The following LRGUK variants were observed in gnomAD, a reference collection of about 807,000 sequenced individuals.
LRGUK encodes the protein leucine rich repeats and guanylate kinase domain containing, also known as leucine-rich repeat and guanylate kinase domain-containing protein.
In LRGUK, 65 loss-of-function variants were observed where a neutral mutation model predicts 76.0. The observed-to-expected ratio is 0.85, with a 90% CI of 0.70 to 1.05. The LOEUF (loss-of-function observed/expected upper bound fraction) is 1.05, where lower values mean the gene tolerates loss of function less well. LRGUK is among the 50% of genes least tolerant of loss of function. The pLI, the probability that LRGUK is intolerant of heterozygous loss-of-function variation, is 0.00. For missense variants in LRGUK, 758 were observed against 732.8 expected (o/e 1.03, Z -0.40); for synonymous variants, 268 against 265.6 (o/e 1.01, Z -0.09).
chr7:134,167,485 T>C (rs1435836989), intron 7 of LRGUK, among the ~76,000 whole-genome samples: 1 of 152,200 alleles, frequency 6.6e-6, no homozygotes, highest in Non-Finnish European at 1.5e-5. Context: ...GCTTTAGCAC[T>C]GGCTCACTGA....
intron 1 of LRGUK, among the ~76,000 whole-genome samples, chr7:134,131,355 T>C (rs1445915660): frequency 6.6e-6 from 1 of 152,246 alleles, no homozygotes; most frequent in East Asian, 1.9e-4. Context: ...ACATGGTCCC[T>C]GCTCTCAAAG....
At chr7:134,237,358 T>C (rs1474079281) in intron 16 of LRGUK, among the ~76,000 whole-genome samples, 1 of 152,184 alleles carries the variant, frequency 6.6e-6, no homozygotes, top group African/African-American at 2.4e-5. Context: ...CAGCTAATTC[T>C]TTTTTCAAGA....
intron 7 of LRGUK, among the ~76,000 whole-genome samples, chr7:134,174,107 CAAA>C (rs112357506): frequency 1.2e-5 from 1 of 80,656 alleles, no homozygotes; most frequent in Non-Finnish European, 2.8e-5. Context: ...GACTCCATCG[CAAA>C]AAAAAAAAAA....
chr7:134,242,208 C>A (rs1802176034), intron 16 of LRGUK, among the ~76,000 whole-genome samples: 1 of 152,080 alleles, frequency 6.6e-6, no homozygotes, highest in African/African-American at 2.4e-5. Flanking sequence ...AAGATCAGAG[C>A]AGAACTGAAG....
At chr7:134,273,690 CT>C in the LRGUK span, among the ~76,000 whole-genome samples, 1 of 152,030 alleles carries the variant, frequency 6.6e-6, no homozygotes, top group Admixed American at 6.6e-5. Context: ...GTGTATTATA[CT>C]TTTTTAGAAT....
At chr7:134,198,601 C>T (rs1036466067) in intron 13 of LRGUK, among the ~76,000 whole-genome samples, 3 of 152,118 alleles carry the variant, frequency 2.0e-5, no homozygotes, top group African/African-American at 7.2e-5. Flanking sequence ...AACTGATAGC[C>T]AGAGAACTTG....
chr7:134,226,864 C>T (rs539560854), intron 16 of LRGUK, among the ~76,000 whole-genome samples: 1 of 152,154 alleles, frequency 6.6e-6, no homozygotes, highest in Non-Finnish European at 1.5e-5. Context: ...GACTCAGGCC[C>T]TCAGCTGTAC....
At chr7:134,261,736 C>A (rs946152878) in intron 19 of LRGUK, among the ~76,000 whole-genome samples, 1 of 152,154 alleles carries the variant, frequency 6.6e-6, no homozygotes, top group African/African-American at 2.4e-5. Context: ...CTCTAAAGGA[C>A]CATATAGTAA....
chr7:134,219,242 A>C (rs1377317276), intron 15 of LRGUK, among the ~76,000 whole-genome samples: 1 of 152,188 alleles, frequency 6.6e-6, no homozygotes, highest in East Asian at 1.9e-4. Flanking sequence ...ACTCTATGAA[A>C]GTCTTTATTG....
chr7:134,158,031 A>G lies in LRGUK; in HGVS notation c.671-4A>G, dbSNP rs1798559803. ...TTTTCCTTAAACGTAGTCATGGTGT[A>G]TAGGCAATGAGATAGAAGAAATCAG... On this transcript the variant is annotated splice_region_variant and splice_polypyrimidine_tract_variant and intron_variant, in intron 5 of 15. Transcript: ENST00000645682. 1.9e-6 allele frequency: 3 copies of G among 1,609,860 alleles called. No homozygotes were observed. Among genetic ancestry groups the G allele is most frequent in the Non-Finnish European group, 2.5e-6 (3 of 1,176,924 alleles).
At chr7:134,238,534 C>T (rs918352680) in intron 16 of LRGUK, among the ~76,000 whole-genome samples, 3 of 151,836 alleles carry the variant, frequency 2.0e-5, no homozygotes, top group Non-Finnish European at 2.9e-5. Flanking sequence ...GTTTAGTTTT[C>T]GTTTCTGAGG....
chr7:134,265,314 G>T (rs58961747), downstream of LRGUK, among the ~76,000 whole-genome samples: 1 of 152,050 alleles, frequency 6.6e-6, no homozygotes, highest in African/African-American at 2.4e-5. Context: ...TTTTCTCACC[G>T]AATACAGCTA....
exon 16 of LRGUK, chr7:134,221,780 T>C (rs1274320880): frequency 2.6e-6 from 4 of 1,515,014 alleles, no homozygotes; most frequent in Non-Finnish European, 3.5e-6. Context: ...TCCTACCAGA[T>C]GTTAAGACAT....
intron 16 of LRGUK, among the ~76,000 whole-genome samples, chr7:134,238,400 T>C (rs1802062143): frequency 6.6e-6 from 1 of 152,188 alleles, no homozygotes; most frequent in African/African-American, 2.4e-5. Context: ...ATATTCATCA[T>C]TTTCTCTTGA....
At chr7:134,275,004 G>C in the LRGUK span, among the ~76,000 whole-genome samples, 12 of 151,902 alleles carry the variant, frequency 7.9e-5, no homozygotes, top group African/African-American at 2.7e-4. Flanking sequence ...GTTTGACACT[G>C]ATGTTTTGCT....
chr7:134,234,281 G>A (rs925564822), intron 16 of LRGUK, among the ~76,000 whole-genome samples: 14 of 151,880 alleles, frequency 9.2e-5, no homozygotes, highest in African/African-American at 2.9e-4. Context: ...GTCTCTTGGT[G>A]ATGTCACACA....
intron 5 of LRGUK, among the ~76,000 whole-genome samples, chr7:134,157,339 T>C (rs567453641): frequency 6.6e-6 from 1 of 152,320 alleles, no homozygotes; most frequent in South Asian, 2.1e-4. Context: ...TGATAATGCA[T>C]GGTGCATGTT....
At chr7:134,154,814 C>G (rs1468421133) in intron 5 of LRGUK, among the ~76,000 whole-genome samples, 1 of 152,176 alleles carries the variant, frequency 6.6e-6, no homozygotes, top group Non-Finnish European at 1.5e-5. Flanking sequence ...CTGTGGGATT[C>G]CAAGCTAGAG....
At chr7:134,214,229 T>C (rs1283700135), downstream of LRGUK, among the ~76,000 whole-genome samples, 3 of 152,232 alleles carry the variant, frequency 2.0e-5, no homozygotes, top group African/African-American at 7.2e-5. Flanking sequence ...CTTTTTTTTT[T>C]TGTACTGAAT....
Sources: allele counts gnomAD v4.1 joint callset (sites outside exome capture counted in the v4.1 genomes callset), GRCh38; gene constraint gnomAD v4.1.1; transcripts MANE v1.5; gene names NCBI Gene and HGNC (gene_info 2026-07-23, HGNC 2026-07-21).